CYP19A1: variants seen among roughly 807,000 people sequenced by gnomAD.
The protein encoded by CYP19A1 is cytochrome P450 family 19 subfamily A member 1, also known as aromatase.
CYP19A1 carries 32 observed loss-of-function variants against 44.4 expected under a neutral mutation model. The ratio of observed to expected loss-of-function variants is 0.72; its 90% CI spans 0.54 to 0.97. CYP19A1 has a LOEUF of 0.97. Among genes scored for constraint, CYP19A1 ranks in the 50% least tolerant of loss-of-function variants. The probability of loss-of-function intolerance (pLI) is 0.00; values close to 1 mark genes in which losing one functional copy is unlikely to be tolerated. For synonymous variants in CYP19A1, 212 were observed against 215.6 expected, an observed-to-expected ratio of 0.98 and a Z score of 0.14; for missense variants, 598 against 637.8, an observed-to-expected ratio of 0.94 and a Z score of 0.67.
chr15:51,252,442 T>G (rs1318578622), intron 1 of CYP19A1, among the ~76,000 whole-genome samples: 1 of 152,228 alleles, frequency 6.6e-6, no homozygotes, highest in Non-Finnish European at 1.5e-5. Context: ...GAAAGTTGTT[T>G]CCAGGTTATA....
At chr15:51,283,304 G>A (rs1902580) in intron 1 of CYP19A1, among the ~76,000 whole-genome samples, 3,203 of 152,250 alleles carry the variant, frequency 0.021, 104 homozygotes, top group East Asian at 0.14. Flanking sequence ...CCCATTAATG[G>A]GCGAGAAAAT....
At chr15:51,288,897 C>G in intron 1 of CYP19A1, among the ~76,000 whole-genome samples, 1 of 152,258 alleles carries the variant, frequency 6.6e-6, no homozygotes, top group East Asian at 1.9e-4. Flanking sequence ...GTCTCCCAGC[C>G]TAACTTGCCA....
intron 2 of CYP19A1, among the ~76,000 whole-genome samples, chr15:51,240,179 A>G (rs2033667868): frequency 6.6e-6 from 1 of 151,762 alleles, no homozygotes; most frequent in South Asian, 2.1e-4. Flanking sequence ...CTACTTTTAT[A>G]TAATCCCCTC....
At chr15:51,305,202 G>A (rs1232114952) in intron 1 of CYP19A1, among the ~76,000 whole-genome samples, 2 of 151,952 alleles carry the variant, frequency 1.3e-5, no homozygotes, top group Non-Finnish European at 2.9e-5. Context: ...GCCCGGCCAC[G>A]TCTCTTCCTT....
intron 1 of CYP19A1, among the ~76,000 whole-genome samples, chr15:51,294,543 G>C (rs2035934950): frequency 6.6e-6 from 1 of 151,120 alleles, no homozygotes; most frequent in Non-Finnish European, 1.5e-5. Flanking sequence ...GAAGTGAGGA[G>C]CGTCTCCGCC....
intron 1 of CYP19A1, among the ~76,000 whole-genome samples, chr15:51,324,084 A>G (rs553150132): frequency 4.3e-4 from 66 of 152,282 alleles, no homozygotes; most frequent in African/African-American, 1.5e-3. Flanking sequence ...AGAATCTCTC[A>G]GCTCCCCCTA....
intron 1 of CYP19A1, among the ~76,000 whole-genome samples, chr15:51,297,169 G>GAGAATTTAT (rs1408355087): frequency 6.6e-6 from 1 of 152,178 alleles, no homozygotes; most frequent in East Asian, 1.9e-4. Context: ...GGAAGAACTT[G>GAGAATTTAT]AGAATTTATC....
chr15:51,267,803 C>T (rs1044436838), intron 1 of CYP19A1, among the ~76,000 whole-genome samples: 3 of 152,206 alleles, frequency 2.0e-5, no homozygotes, highest in Non-Finnish European at 4.4e-5. Flanking sequence ...GGCGGATTGC[C>T]ATTGAAACCA....
intron 1 of CYP19A1, 28 bp from the exon 2 acceptor site, chr15:51,242,978 T>A: frequency 8.8e-7 from 1 of 1,140,524 alleles, no homozygotes; most frequent in Non-Finnish European, 1.3e-6. Context: ...ACAGAAAAAT[T>A]ACAGAATCCC....
intron 1 of CYP19A1, among the ~76,000 whole-genome samples, chr15:51,332,240 C>A (rs2036713549): frequency 6.6e-6 from 1 of 152,062 alleles, no homozygotes; most frequent in African/African-American, 2.4e-5. Flanking sequence ...TAGTCAAACT[C>A]ATTCTTTTAT....
At chr15:51,223,725 T>G (rs2032335444) in intron 4 of CYP19A1, among the ~76,000 whole-genome samples, 1 of 152,062 alleles carries the variant, frequency 6.6e-6, no homozygotes, top group South Asian at 2.1e-4. Flanking sequence ...TTTTGAGATT[T>G]CCATACATCT....
At position 51,222,087 on chromosome 15, in the gene CYP19A1, C is replaced by T. The variant is rs2032135002; in HGVS notation, c.628+262G>A. The stretch of plus-strand genomic sequence containing the variant: ...CGAACTAATCACATTTGTTAAGTTT[C>T]AACTGTGGGTAGAATTCTATTTCCT... On this transcript the variant is annotated intron_variant, in intron 5 of 9. Coordinates refer to ENST00000396402, the MANE Select transcript of CYP19A1 (RefSeq NM_000103.4). 4 of 606,850 alleles carry T rather than the reference C, an allele frequency of 6.6e-6. No homozygotes were observed. The South Asian group carries it at 9.1e-5, about 14-fold the overall frequency. The allele number at this position is 606,850 out of a possible 1,614,324, so 37.6% of individuals were successfully genotyped here. A position where few individuals can be genotyped will look rare whatever the true frequency, so the allele number is the denominator to read the frequency against.
intron 1 of CYP19A1, among the ~76,000 whole-genome samples, chr15:51,281,768 A>G (rs1243735601): frequency 6.6e-6 from 1 of 152,202 alleles, no homozygotes; most frequent in East Asian, 1.9e-4. Flanking sequence ...TAAGGCTCAG[A>G]AGAAATTTCC....
intron 1 of CYP19A1, chr15:51,337,729 G>A (rs2036800142): frequency 6.5e-6 from 1 of 152,682 alleles, no homozygotes; most frequent in African/African-American, 2.4e-5. Flanking sequence ...GTTGGAGAGA[G>A]AAGATAGAGG....
intron 2 of CYP19A1, chr15:51,242,332 G>C: frequency 3.7e-6 from 1 of 271,728 alleles, no homozygotes; most frequent in Non-Finnish European, 7.1e-6. Context: ...ATAAATACAA[G>C]ACAAAGAGGG....
intron 1 of CYP19A1, among the ~76,000 whole-genome samples, chr15:51,310,242 G>A (rs1215986579): frequency 1.3e-5 from 2 of 152,192 alleles, no homozygotes; most frequent in Admixed American, 6.5e-5. Context: ...AATTAACTGA[G>A]GTCTCTGAAA....
chr15:51,296,427 G>A (rs28757117), intron 1 of CYP19A1, among the ~76,000 whole-genome samples: 230 of 152,242 alleles, frequency 1.5e-3, no homozygotes, highest in African/African-American at 5.0e-3. Flanking sequence ...GTGTGGGCCC[G>A]TCTCTAAAAA....
At chr15:51,237,290 T>C (rs1438383048) in intron 2 of CYP19A1, among the ~76,000 whole-genome samples, 1 of 152,226 alleles carries the variant, frequency 6.6e-6, no homozygotes, top group Non-Finnish European at 1.5e-5. Context: ...AACTGGGGTG[T>C]GTGTGCTAAT....
chr15:51,230,607 T>C (rs1360862074), intron 3 of CYP19A1, among the ~76,000 whole-genome samples: 1 of 148,348 alleles, frequency 6.7e-6, no homozygotes, highest in African/African-American at 2.5e-5. Flanking sequence ...AATGGACTAA[T>C]TGGTGCCTTC....
Sources: gnomAD v4.1 joint callset for allele counts (sites outside exome capture counted in the v4.1 genomes callset) on GRCh38, gnomAD v4.1.1 for gene constraint, MANE v1.5 for transcripts, NCBI Gene and HGNC (gene_info 2026-07-23, HGNC 2026-07-21) for gene names.